Variants in GFRA1 observed in about 807,000 individuals in gnomAD.
GFRA1 encodes the protein GDNF family receptor alpha-1.
In GFRA1, 16 loss-of-function variants were observed where a neutral mutation model predicts 51.6. The ratio of observed to expected loss-of-function variants is 0.31; its 90% CI spans 0.21 to 0.47. The LOEUF is 0.47. GFRA1 is among the 20% of genes least tolerant of loss of function. The probability of loss-of-function intolerance (pLI) is 1.00; values close to 1 mark genes in which losing one functional copy is unlikely to be tolerated. For missense variants in GFRA1, 530 were observed against 594.3 expected (o/e 0.89, Z 1.13); for synonymous variants, 270 against 241.3 (o/e 1.12, Z -1.10).
intron 6 of GFRA1, among the ~76,000 whole-genome samples, chr10:116,116,706 C>A (rs1234037241): frequency 6.6e-6 from 1 of 152,204 alleles, no homozygotes; most frequent in Non-Finnish European, 1.5e-5. Flanking sequence ...CTTTTGAAAT[C>A]AGTAAGCTGT....
chr10:116,068,706 AG>A (rs1193218538), intron 9 of GFRA1, among the ~76,000 whole-genome samples: 2 of 152,220 alleles, frequency 1.3e-5, no homozygotes, highest in African/African-American at 4.8e-5. Flanking sequence ...TTGGAACCTG[AG>A]AAACCTGTTA....
intron 4 of GFRA1, among the ~76,000 whole-genome samples, chr10:116,222,648 C>T (rs968361105): frequency 6.6e-6 from 1 of 152,098 alleles, no homozygotes; most frequent in Non-Finnish European, 1.5e-5. Flanking sequence ...CTTCACACAG[C>T]GCCTGACACA....
At chr10:116,124,295 T>G (rs1957765402) in intron 6 of GFRA1, among the ~76,000 whole-genome samples, 1 of 151,522 alleles carries the variant, frequency 6.6e-6, no homozygotes, top group Admixed American at 6.6e-5. Flanking sequence ...AGTGGTGCCA[T>G]CTCGCCTCAC....
intron 4 of GFRA1, among the ~76,000 whole-genome samples, chr10:116,237,733 A>C (rs115406523): frequency 6.6e-6 from 1 of 152,156 alleles, no homozygotes; most frequent in Non-Finnish European, 1.5e-5. Flanking sequence ...TCCTGCAAAG[A>C]CCTGGGTCCT....
chr10:116,234,651 C>T (rs1234497365), intron 4 of GFRA1, among the ~76,000 whole-genome samples: 1 of 152,142 alleles, frequency 6.6e-6, no homozygotes, highest in Middle Eastern at 3.2e-3. Context: ...TACATATATA[C>T]AAAAAATGTA....
At chr10:116,180,955 G>A (rs1962157058) in intron 5 of GFRA1, among the ~76,000 whole-genome samples, 1 of 152,136 alleles carries the variant, frequency 6.6e-6, no homozygotes, top group African/African-American at 2.4e-5. Context: ...AAAAGGGACT[G>A]GGTTCAGAAG....
chr10:116,264,613 G>A (rs535435164), intron 4 of GFRA1, among the ~76,000 whole-genome samples: 19 of 152,332 alleles, frequency 1.2e-4, no homozygotes, highest in African/African-American at 3.4e-4. Flanking sequence ...GCCTTCAGAG[G>A]TGAAATTTGA....
chr10:116,244,379 A>G (rs1331097109), intron 4 of GFRA1, among the ~76,000 whole-genome samples: 6 of 147,010 alleles, frequency 4.1e-5, no homozygotes, highest in Non-Finnish European at 9.0e-5. Context: ...ATTAAAATTT[A>G]ATTTTATTTC....
rs1380579548 is a variant in GFRA1 at position 116,061,991 on chromosome 10, A to C, written c.*2407T>G. 1 of 398,518 alleles carries C rather than the reference A, an allele frequency of 2.5e-6. No homozygotes were observed. Among genetic ancestry groups the C allele is most frequent in the Admixed American group, 4.4e-5 (1 of 22,724 alleles). 24.7% of individuals were successfully genotyped at this position (398,518 alleles called of 1,614,324 possible). A position where few individuals can be genotyped will look rare whatever the true frequency, so the allele number is the denominator to read the frequency against. On this transcript the variant is annotated 3_prime_UTR_variant, in exon 11 of 11. Transcript: ENST00000355422. ...TGATTTTCAAATTGAGGAGCTGGTA[A>C]CTTGAATATGCTTTTATCACTGAAG...
intron 3 of GFRA1, 100 bp downstream of exon 3, chr10:116,270,722 G>T: frequency 1.0e-6 from 1 of 963,236 alleles, no homozygotes; most frequent in Non-Finnish European, 1.6e-6. Context: ...CTGCAGCTGG[G>T]GAGAAGTGAG....
At chr10:116,095,956 C>T (rs1956552374) in intron 7 of GFRA1, among the ~76,000 whole-genome samples, 1 of 152,184 alleles carries the variant, frequency 6.6e-6, no homozygotes, top group East Asian at 1.9e-4. Flanking sequence ...CTGCCTTTCC[C>T]CCTGACAGCC....
chr10:116,169,100 C>T (rs979062778), intron 5 of GFRA1, among the ~76,000 whole-genome samples: 7 of 152,260 alleles, frequency 4.6e-5, no homozygotes, highest in African/African-American at 1.7e-4. Flanking sequence ...TGAATGCTGC[C>T]TCCAACTCCA....
chr10:116,258,149 G>A (rs1172981484), intron 4 of GFRA1, among the ~76,000 whole-genome samples: 1 of 151,984 alleles, frequency 6.6e-6, no homozygotes, highest in Admixed American at 6.6e-5. Flanking sequence ...AAGCAAAAAA[G>A]GGAATTCTTA....
In GFRA1 at chr10:116,211,622, T is replaced by G; in HGVS notation, c.433+9A>C. 1 of 1,550,442 alleles carries G rather than the reference T, an allele frequency of 6.4e-7. No individual in the cohort carries two copies. The highest frequency in any genetic ancestry group is 8.7e-7 in the Non-Finnish European group (1 of 1,146,098). On this transcript the variant is annotated intron_variant, in intron 5 of 10. Transcript: ENST00000355422. ...CAGTGAAAAAGCAGGCAGGAAACAG[T>G]GAACTTACCTTGCTGAAAAACATCT...
intron 5 of GFRA1, among the ~76,000 whole-genome samples, chr10:116,170,324 C>T (rs1960903743): frequency 6.6e-6 from 1 of 152,218 alleles, no homozygotes. Flanking sequence ...GGGCAATGAA[C>T]TCCATTCTCT....
At chr10:116,087,764 A>C (rs1275888933) in intron 9 of GFRA1, among the ~76,000 whole-genome samples, 1 of 152,164 alleles carries the variant, frequency 6.6e-6, no homozygotes, top group Admixed American at 6.5e-5. Context: ...AGCAGGGTGC[A>C]GAGCACCCGC....
intron 5 of GFRA1, among the ~76,000 whole-genome samples, chr10:116,182,751 C>T (rs2134280585): frequency 6.6e-6 from 1 of 152,338 alleles, no homozygotes; most frequent in East Asian, 1.9e-4. Context: ...ACTCTCTTTG[C>T]CAGTTCCAAG....
intron 10 of GFRA1, among the ~76,000 whole-genome samples, chr10:116,064,927 G>A (rs1376406091): frequency 6.6e-6 from 1 of 152,144 alleles, no homozygotes; most frequent in Non-Finnish European, 1.5e-5. Flanking sequence ...CCCTGCATGA[G>A]CCAGTTCAAT....
intron 4 of GFRA1, among the ~76,000 whole-genome samples, chr10:116,262,135 A>C (rs1398364768): frequency 6.6e-6 from 1 of 152,232 alleles, no homozygotes; most frequent in Non-Finnish European, 1.5e-5. Flanking sequence ...GACTAAGAAG[A>C]AGGAATGAGG....
Sources: gnomAD v4.1 joint callset for allele counts (sites outside exome capture counted in the v4.1 genomes callset) on GRCh38, gnomAD v4.1.1 for gene constraint, MANE v1.5 for transcripts, NCBI Gene and HGNC (gene_info 2026-07-23, HGNC 2026-07-21) for gene names.